Variants in ZFHX3 observed in about 807,000 individuals in gnomAD.
The protein encoded by ZFHX3 is zinc finger homeobox protein 3.
In ZFHX3, 42 loss-of-function variants were observed where a neutral mutation model predicts 279.1. The ratio of observed to expected loss-of-function variants is 0.15; its 90% CI spans 0.12 to 0.19. The LOEUF (loss-of-function observed/expected upper bound fraction) is 0.19, where lower values mean the gene tolerates loss of function less well. Ranked by LOEUF, ZFHX3 falls within the 10% of genes least tolerant of loss-of-function variation. The pLI is 1.00. For missense variants in ZFHX3, 4,981 were observed against 4,754.0 expected, an observed-to-expected ratio of 1.05 and a Z score of -1.40; for synonymous variants, 2,293 against 1,957.8, an observed-to-expected ratio of 1.17 and a Z score of -4.52.
At chr16:72,841,645 T>TC (rs1337651942) in intron 4 of ZFHX3, among the ~76,000 whole-genome samples, 4 of 152,174 alleles carry the variant, frequency 2.6e-5, no homozygotes, top group African/African-American at 9.7e-5. Flanking sequence ...ACAGCAGCGC[T>TC]CCTCAAATCT....
intron 4 of ZFHX3, among the ~76,000 whole-genome samples, chr16:72,840,440 T>C (rs184790780): frequency 1.6e-4 from 25 of 152,256 alleles, no homozygotes; most frequent in African/African-American, 5.8e-4. Flanking sequence ...GCATTTGCAA[T>C]GCTGGGGAGA....
intron 4 of ZFHX3, among the ~76,000 whole-genome samples, chr16:72,837,696 C>T (rs971953833): frequency 6.6e-6 from 1 of 151,370 alleles, no homozygotes; most frequent in South Asian, 2.1e-4. Context: ...GAACTCCTGG[C>T]CTCAAGTGAT....
intron 1 of ZFHX3, among the ~76,000 whole-genome samples, chr16:73,705,907 T>C (rs1396430256): frequency 1.3e-5 from 2 of 152,152 alleles, no homozygotes; most frequent in Non-Finnish European, 2.9e-5. Flanking sequence ...CCTCTGACAC[T>C]GTAATGGTCC....
At chr16:73,566,454 G>A (rs76222502) in intron 2 of ZFHX3, among the ~76,000 whole-genome samples, 8,390 of 152,218 alleles carry the variant, frequency 0.055, 272 homozygotes, top group South Asian at 0.093. Context: ...TGGAGGCTCC[G>A]AGGGAGAATT....
At chr16:73,411,431 C>T (rs35498331) in intron 3 of ZFHX3, among the ~76,000 whole-genome samples, 3,929 of 152,180 alleles carry the variant, frequency 0.026, 77 homozygotes, top group South Asian at 0.042. Context: ...TGTGGGAATA[C>T]CTTTCTGAAA....
At chr16:73,759,913 G>T (rs565976943) in intron 1 of ZFHX3, among the ~76,000 whole-genome samples, 1 of 148,552 alleles carries the variant, frequency 6.7e-6, no homozygotes, top group African/African-American at 2.5e-5. Flanking sequence ...GGGATTCCCA[G>T]AGCTATCAGA....
At chr16:72,832,731 C>T (rs1248979850) in intron 4 of ZFHX3, among the ~76,000 whole-genome samples, 1 of 151,848 alleles carries the variant, frequency 6.6e-6, no homozygotes, top group Admixed American at 6.6e-5. Flanking sequence ...CCAGGACCTA[C>T]AGGTGTCGCC....
In ZFHX3 at chr16:72,785,161, C is replaced by T. The variant is rs1477865128; in HGVS notation, c.*2003G>A. 1.3e-5 allele frequency: 2 copies of T among 152,614 alleles called. No individual in the cohort carries two copies. Among genetic ancestry groups the T allele is most frequent in the Non-Finnish European group, 2.9e-5 (2 of 68,022 alleles). 9.5% of individuals were successfully genotyped at this position (152,614 alleles called of 1,614,324 possible). On this transcript the variant is annotated 3_prime_UTR_variant, in exon 10 of 10. Transcript: ENST00000268489. ...TAGCTATGAAAGTGAAACAGCAAAG[C>T]ATCTATTTATTTGTCTCCAAAATCT...
At chr16:73,493,141 C>G (rs2019082134) in intron 2 of ZFHX3, among the ~76,000 whole-genome samples, 1 of 152,026 alleles carries the variant, frequency 6.6e-6, no homozygotes, top group African/African-American at 2.4e-5. Flanking sequence ...TCTGTTCTAA[C>G]TTTCAGTCTG....
chr16:73,223,408 AG>A (rs1275736232), intron 5 of ZFHX3, among the ~76,000 whole-genome samples: 1 of 152,180 alleles, frequency 6.6e-6, no homozygotes, highest in Admixed American at 6.6e-5. Flanking sequence ...AACGGGCTAA[AG>A]ACCTTAACAG....
At chr16:73,359,776 T>G (rs908361901) in intron 3 of ZFHX3, among the ~76,000 whole-genome samples, 2 of 152,210 alleles carry the variant, frequency 1.3e-5, no homozygotes, top group East Asian at 3.9e-4. Flanking sequence ...AGTTGGTGCA[T>G]GTTTAAGGTC....
At position 73,772,577 on chromosome 16, in the gene ZFHX3, G is replaced by A. The variant is rs189090218; in HGVS notation, c.-1607-92337C>T. On this transcript the variant is annotated intron_variant, in intron 1 of 17. Coordinates refer to the ZFHX3 transcript ENST00000641206. ...GGTGGTCATCTACTTTCTGCCGTAGGTGTCTTTCAGATATGTCCGTTCTGC... is the reference window on the plus strand; with the variant it reads ...GGTGGTCATCTACTTTCTGCCGTAGATGTCTTTCAGATATGTCCGTTCTGC... Among the ~76,000 whole-genome samples the A allele has an allele frequency of 4.9e-4, 74 of 152,248 alleles. 1 individual carries two copies. Among genetic ancestry groups the A allele is most frequent in the Admixed American group, 4.8e-3 (73 of 15,290 alleles).
chr16:73,747,862 T>G (rs1404397402), intron 1 of ZFHX3, among the ~76,000 whole-genome samples: 5 of 152,178 alleles, frequency 3.3e-5, no homozygotes, highest in Non-Finnish European at 7.3e-5. Flanking sequence ...CACGACCAGT[T>G]GCATAGCCTC....
At chr16:73,765,917 G>T (rs952897000) in intron 1 of ZFHX3, among the ~76,000 whole-genome samples, 3 of 152,174 alleles carry the variant, frequency 2.0e-5, no homozygotes, top group African/African-American at 7.2e-5. Context: ...TACTGTGACT[G>T]AGTTCTATGG....
chr16:73,295,742 A>AGT (rs2014893304), intron 4 of ZFHX3, among the ~76,000 whole-genome samples: 1 of 152,210 alleles, frequency 6.6e-6, no homozygotes, highest in African/African-American at 2.4e-5. Flanking sequence ...ATGAGAAGGC[A>AGT]GTGGCTGCCC....
At chr16:72,870,812 GA>G (rs1012234704) in intron 4 of ZFHX3, among the ~76,000 whole-genome samples, 26 of 151,924 alleles carry the variant, frequency 1.7e-4, no homozygotes, top group African/African-American at 6.3e-4. Context: ...ATATTATTAG[GA>G]AAATTTGAAT....
intron 1 of ZFHX3, among the ~76,000 whole-genome samples, chr16:73,730,458 C>T (rs1445008064): frequency 6.6e-6 from 1 of 151,272 alleles, no homozygotes; most frequent in African/African-American, 2.4e-5. Context: ...TCACCTGTGT[C>T]ATATACAAAT....
intron 2 of ZFHX3, among the ~76,000 whole-genome samples, chr16:73,557,189 G>C (rs543583984): frequency 6.6e-6 from 1 of 151,624 alleles, no homozygotes; most frequent in Admixed American, 6.6e-5. Context: ...TGGTGTGGCC[G>C]GGCCTTTTGC....
chr16:73,133,150 C>A (rs1966724186), intron 6 of ZFHX3, among the ~76,000 whole-genome samples: 1 of 152,202 alleles, frequency 6.6e-6, no homozygotes. Flanking sequence ...TAATGTGTAA[C>A]TGAGTGTTAC....
Sources: gnomAD v4.1 joint callset for allele counts (sites outside exome capture counted in the v4.1 genomes callset) on GRCh38, gnomAD v4.1.1 for gene constraint, MANE v1.5 for transcripts, NCBI Gene and HGNC (gene_info 2026-07-23, HGNC 2026-07-21) for gene names.